The following NCS1 variants were observed in gnomAD, a reference collection of about 807,000 sequenced individuals.
NCS1 encodes the protein neuronal calcium sensor 1, also known as frequenin homolog.
NCS1 carries 6 observed loss-of-function variants against 28.4 expected under a neutral mutation model. That is an observed-to-expected ratio of 0.21 (90% CI 0.12 to 0.42). The LOEUF is 0.42. Among genes scored for constraint, NCS1 ranks in the 10% least tolerant of loss-of-function variants. The pLI is 1.00. For missense variants in NCS1, 131 were observed against 241.4 expected, an observed-to-expected ratio of 0.54 and a Z score of 3.03; for synonymous variants, 86 against 99.3, an observed-to-expected ratio of 0.87 and a Z score of 0.79.
At chr9:130,190,839 A>C (rs782121825) in intron 1 of NCS1, among the ~76,000 whole-genome samples, 4 of 152,052 alleles carry the variant, frequency 2.6e-5, no homozygotes, top group Non-Finnish European at 5.9e-5. Context: ...GTTTCTTGGA[A>C]GTGGGCTGGC....
intron 1 of NCS1, chr9:130,200,521 C>CT (rs1832926737): frequency 2.1e-5 from 32 of 1,534,936 alleles, no homozygotes; most frequent in Middle Eastern, 1.8e-4. Context: ...TAGCTCCCCC[C>CT]ACCCCCCCAC....
At chr9:130,227,218 C>G (rs1833428188) in intron 7 of NCS1, among the ~76,000 whole-genome samples, 1 of 152,164 alleles carries the variant, frequency 6.6e-6, no homozygotes, top group Admixed American at 6.5e-5. Context: ...GCAGAGGCCC[C>G]TGTTGCTGGT....
intron 1 of NCS1, among the ~76,000 whole-genome samples, chr9:130,179,565 G>T (rs1832626411): frequency 6.6e-6 from 1 of 152,172 alleles, no homozygotes; most frequent in Non-Finnish European, 1.5e-5. Context: ...GGGATGTTTT[G>T]AAAGGCTTTT....
intron 1 of NCS1, among the ~76,000 whole-genome samples, chr9:130,178,760 T>C (rs1564701427): frequency 6.7e-6 from 1 of 149,050 alleles, no homozygotes; most frequent in Non-Finnish European, 1.5e-5. Context: ...GGTGATGAAC[T>C]GGAGTATCGG....
intron 1 of NCS1, among the ~76,000 whole-genome samples, chr9:130,173,396 C>G (rs1832519318): frequency 6.6e-6 from 1 of 152,196 alleles, no homozygotes; most frequent in Non-Finnish European, 1.5e-5. Flanking sequence ...GCGGGCTGCC[C>G]GGAGGAGGAT....
chr9:130,191,436 G>A lies in NCS1; in HGVS notation c.65-9522G>A, dbSNP rs1415605342. 6.6e-6 allele frequency among the ~76,000 whole-genome samples: 1 copy of A among 152,146 alleles called. No individual in the cohort carries two copies. The highest frequency in any genetic ancestry group is 1.5e-5 in the Non-Finnish European group (1 of 68,024). On this transcript the variant is annotated intron_variant, in intron 1 of 7. Transcript: ENST00000372398. The surrounding 1 kb of genome is among the most constrained non-coding windows in gnomAD (Gnocchi z 6.4). ...CAACAGGTGAAATACCCCCCGATTC[G>A]AGTGCTCAGCCTTCCTCCCACCAGC...
rs1833569140 is a variant in NCS1, at chr9:130,235,312, G to A, written c.*2340G>A. ...GCTCTGACCTGGGGTCTGGGGCAGG[G>A]AACGAACATGGTGGCTTTGGGCTGA... On this transcript the variant is annotated 3_prime_UTR_variant, in exon 8 of 8. Transcript: ENST00000372398. 1 of 152,422 alleles carries A rather than the reference G, an allele frequency of 6.6e-6. No homozygotes were observed. Among genetic ancestry groups the A allele is most frequent in the African/African-American group, 2.4e-5 (1 of 41,458 alleles). 9.4% of individuals were successfully genotyped at this position (152,422 alleles called of 1,614,324 possible).
chr9:130,190,032 AAGAGAGAG>A (rs34529294), intron 1 of NCS1, among the ~76,000 whole-genome samples: 55 of 120,502 alleles, frequency 4.6e-4, no homozygotes, highest in African/African-American at 1.3e-3. Flanking sequence ...ATGTTTATGC[AAGAGAGAG>A]AGAGAGAGAG....
At chr9:130,231,440 A>G (rs1833500567) in intron 7 of NCS1, among the ~76,000 whole-genome samples, 2 of 151,652 alleles carry the variant, frequency 1.3e-5, no homozygotes, top group South Asian at 2.1e-4. Context: ...CTGGAGTGCA[A>G]TGACGTGATC....
chr9:130,227,040 G>A (rs200302317), intron 7 of NCS1, among the ~76,000 whole-genome samples: 146 of 131,884 alleles, frequency 1.1e-3, no homozygotes, highest in Middle Eastern at 7.5e-3. Context: ...AAAAAAAAAA[G>A]AAAAGAAAAA....
rs528210681 is a variant in NCS1 at position 130,192,559 on chromosome 9, T to G, written c.65-8399T>G. ...TGGAGGTCTCAGGAGTTGACCTCTT[T>G]CGTGGGACAGAGAGGGGAGGGTGCG... is the stretch of plus-strand genomic sequence containing the variant. On this transcript the variant is annotated intron_variant, in intron 1 of 7. Transcript: ENST00000372398. This position sits in a 1 kb window ranked among gnomAD's most constrained non-coding sequence, Gnocchi z 4.8. 6.6e-6 allele frequency among the ~76,000 whole-genome samples: 1 copy of G among 152,096 alleles called. No individual in the cohort carries two copies. The highest frequency in any genetic ancestry group is 2.4e-5 in the African/African-American group (1 of 41,416).
In NCS1 at chr9:130,209,347, G is replaced by A. The variant is rs1833078944; in HGVS notation, c.89+8365G>A. The stretch of plus-strand genomic sequence containing the variant: ...GGAACTGAGAGTGGCAAATTCGGGG[G>A]AAGTCCTAGAGGACCGGGGCGTTTG... On this transcript the variant is annotated intron_variant, in intron 2 of 7. Transcript: ENST00000372398. This position sits in a 1 kb window ranked among gnomAD's most constrained non-coding sequence, Gnocchi z 4.4. Among the ~76,000 whole-genome samples, 1 of 152,206 alleles carries A rather than the reference G, an allele frequency of 6.6e-6. No individual in the cohort carries two copies. Among genetic ancestry groups the A allele is most frequent in the Non-Finnish European group, 1.5e-5 (1 of 68,042 alleles).
chr9:130,190,464 G>A (rs1554906136), intron 1 of NCS1, among the ~76,000 whole-genome samples: 1 of 152,194 alleles, frequency 6.6e-6, no homozygotes, highest in Admixed American at 6.5e-5. Context: ...AAAACCAAGG[G>A]AGGTTAACCG....
At position 130,172,791 on chromosome 9, in the gene NCS1, C is replaced by T. The variant is rs1216149079; in HGVS notation, c.64+64C>T. 4.3e-6 allele frequency: 4 copies of T among 920,794 alleles called. No homozygotes were observed. The African/African-American group carries it at 5.3e-5, about 12-fold the overall frequency. 57.0% of individuals were successfully genotyped at this position (920,794 alleles called of 1,614,324 possible). A position where few individuals can be genotyped will look rare whatever the true frequency, so the allele number is the denominator to read the frequency against. On this transcript the variant is annotated intron_variant, in intron 1 of 7. Coordinates refer to ENST00000372398, the MANE Select transcript of NCS1 (RefSeq NM_014286.4). ...CCCCCACACCCACCGCCCCCGCCCCCGCCCCCCGGACCCGCGCGCTACCCG... is the reference window on the plus strand; with the variant it reads ...CCCCCACACCCACCGCCCCCGCCCCTGCCCCCCGGACCCGCGCGCTACCCG...
intron 6 of NCS1, among the ~76,000 whole-genome samples, chr9:130,225,414 T>C (rs1554911257): frequency 6.6e-6 from 1 of 152,260 alleles, no homozygotes; most frequent in East Asian, 1.9e-4. Flanking sequence ...CGACAGAGTG[T>C]GGAGCACGGA....
rs1452022009 is a variant in NCS1, at chr9:130,219,575, C to T, written c.229-150C>T. On this transcript the variant is annotated intron_variant, in intron 3 of 7. Transcript: ENST00000372398. This position sits in a 1 kb window ranked among gnomAD's most constrained non-coding sequence, Gnocchi z 5.7. ...CCCCACCCTCTCCTTGCCTCTCGCC[C>T]CCCATTCCTTCGAGCCTGCCCTCTC... is the stretch of plus-strand genomic sequence containing the variant. 4 of 708,906 alleles carry T rather than the reference C, an allele frequency of 5.6e-6. No homozygotes were observed. The highest frequency in any genetic ancestry group is 9.9e-6 in the Non-Finnish European group (4 of 402,118). 43.9% of individuals were successfully genotyped at this position (708,906 alleles called of 1,614,324 possible). A position where few individuals can be genotyped will look rare whatever the true frequency, so the allele number is the denominator to read the frequency against.
In NCS1 at chr9:130,215,838, C is replaced by T. The variant is rs1470422334; in HGVS notation, c.90-1994C>T. On this transcript the variant is annotated intron_variant, in intron 2 of 7. Transcript: ENST00000372398. The surrounding 1 kb of genome is among the most constrained non-coding windows in gnomAD (Gnocchi z 4.2). ...GGGCTGGCCTATTCACAGCCTCCTG[C>T]TTGCTGTGGGCACTGCTGGGACGGT... 6.6e-6 allele frequency among the ~76,000 whole-genome samples: 1 copy of T among 152,144 alleles called. No homozygotes were observed. Among genetic ancestry groups the T allele is most frequent in the Non-Finnish European group, 1.5e-5 (1 of 68,024 alleles).
intron 7 of NCS1, among the ~76,000 whole-genome samples, chr9:130,230,372 A>G (rs1471156321): frequency 6.6e-6 from 1 of 151,982 alleles, no homozygotes; most frequent in African/African-American, 2.4e-5. Context: ...AAAACAAATT[A>G]TCTGTTATGG....
intron 6 of NCS1, 52 bp downstream of exon 6, chr9:130,223,211 G>A (rs1409369100): frequency 1.3e-5 from 20 of 1,547,258 alleles, no homozygotes; most frequent in Non-Finnish European, 1.5e-5. Flanking sequence ...AGGTGTCGGG[G>A]GCAGGAATTG....
Sources: allele counts gnomAD v4.1 joint callset (sites outside exome capture counted in the v4.1 genomes callset), GRCh38; gene constraint gnomAD v4.1.1; non-coding constraint Gnocchi (gnomAD v3.1); transcripts MANE v1.5; gene names NCBI Gene and HGNC (gene_info 2026-07-23, HGNC 2026-07-21).